The following IMPA1 variants were observed in gnomAD, a reference collection of about 807,000 sequenced individuals.
The protein encoded by IMPA1 is D-galactose 1-phosphate phosphatase.
IMPA1 carries 21 observed loss-of-function variants against 34.9 expected under a neutral mutation model. The ratio of observed to expected loss-of-function variants is 0.60; its 90% CI spans 0.43 to 0.87. The LOEUF (loss-of-function observed/expected upper bound fraction) is 0.87. IMPA1 is among the 40% of genes least tolerant of loss of function. IMPA1 has a pLI of 0.00. For missense variants in IMPA1, 299 were observed against 336.4 expected (o/e 0.89, Z 0.87); for synonymous variants, 95 against 104.4 (o/e 0.91, Z 0.55).
At chr8:81,684,470 A>C (rs1807410129) in intron 1 of IMPA1, among the ~76,000 whole-genome samples, 1 of 105,912 alleles carries the variant, frequency 9.4e-6, no homozygotes. Flanking sequence ...TACTACACAC[A>C]GTATCTTTAG....
rs1159684862 is a variant in IMPA1, at chr8:81,657,204, A to G, written c.*2147T>C. Reference sequence around the variant, plus strand: ...ATTGTAGAAAAAAATATAGGTTTTTAGAAAAGTTGGAAAGATTACAGGCAA... The same window carrying G: ...ATTGTAGAAAAAAATATAGGTTTTTGGAAAAGTTGGAAAGATTACAGGCAA... On this transcript the variant is annotated 3_prime_UTR_variant, in exon 9 of 9. Coordinates refer to ENST00000256108, the MANE Select transcript of IMPA1 (RefSeq NM_005536.4). 6.6e-6 allele frequency among the ~76,000 whole-genome samples: 1 copy of G among 152,232 alleles called. No homozygotes were observed. Among genetic ancestry groups the G allele is most frequent in the Non-Finnish European group, 1.5e-5 (1 of 68,036 alleles).
chr8:81,658,574 C>A lies in IMPA1; in HGVS notation c.*777G>T, dbSNP rs1415414235. ...TTCTCTCTTACACAAGACTTTAAAG[C>A]AAATCCAAACAGACAATTTAACTGT... On this transcript the variant is annotated 3_prime_UTR_variant, in exon 9 of 9. Coordinates refer to ENST00000256108, the MANE Select transcript of IMPA1 (RefSeq NM_005536.4). 1 of 152,458 alleles carries A rather than the reference C, an allele frequency of 6.6e-6. No individual in the cohort carries two copies. The highest frequency in any genetic ancestry group is 1.5e-5 in the Non-Finnish European group (1 of 67,968). The allele number at this position is 152,458 out of a possible 1,614,324, so 9.4% of individuals were successfully genotyped here. A position where few individuals can be genotyped will look rare whatever the true frequency, so the allele number is the denominator to read the frequency against.
At chr8:81,685,845 GCCA>G in intron 1 of IMPA1, 1 of 1,550,440 alleles carries the variant, frequency 6.4e-7, no homozygotes, top group Non-Finnish European at 8.7e-7. Flanking sequence ...TAGGAGCCAG[GCCA>G]CCTTCCTTTT....
intron 6 of IMPA1, 116 bp from the exon 7 acceptor site, chr8:81,671,163 C>T (rs201788059): frequency 2.0e-6 from 1 of 501,128 alleles, no homozygotes; most frequent in Non-Finnish European, 3.5e-6. Context: ...TCTTTATAAG[C>T]ATTTAAATAA....
chr8:81,660,671 A>G lies in IMPA1; in HGVS notation c.567-4T>C. The G allele has an allele frequency of 6.3e-7, 1 of 1,590,758 alleles. No homozygotes were observed. Among genetic ancestry groups the G allele is most frequent in the Non-Finnish European group, 8.6e-7 (1 of 1,166,542 alleles). On this transcript the variant is annotated splice_region_variant and splice_polypyrimidine_tract_variant and intron_variant, in intron 7 of 8. Transcript: ENST00000256108. Reference sequence around the variant, plus strand: ...TGCTGTTCCAACACTCCGGATCCTAACAAATAGAATTTAGAAATAAAATTG... The same window carrying G: ...TGCTGTTCCAACACTCCGGATCCTAGCAAATAGAATTTAGAAATAAAATTG...
At chr8:81,684,517 C>CTTATCTTTAATATATCTTTAGATATACT (rs199895536) in intron 1 of IMPA1, among the ~76,000 whole-genome samples, 1 of 120,136 alleles carries the variant, frequency 8.3e-6, no homozygotes, top group Admixed American at 8.0e-5. Context: ...TCTTTAGATA[C>CTTATCTTTAATATATCTTTAGATATACT]TATGTGTAGT....
chr8:81,669,202 A>T (rs139014119), intron 7 of IMPA1, among the ~76,000 whole-genome samples: 112 of 152,248 alleles, frequency 7.4e-4, no homozygotes, highest in Non-Finnish European at 1.1e-3. Flanking sequence ...CCCAGGAAGT[A>T]AGGCCACCAC....
At chr8:81,665,222 A>G (rs757176181) in intron 7 of IMPA1, among the ~76,000 whole-genome samples, 4 of 152,234 alleles carry the variant, frequency 2.6e-5, no homozygotes, top group Non-Finnish European at 2.9e-5. Flanking sequence ...TCCGAATTAA[A>G]TATTTTCAAA....
intron 1 of IMPA1, among the ~76,000 whole-genome samples, chr8:81,682,972 A>C (rs1262151005): frequency 6.6e-6 from 1 of 152,234 alleles, no homozygotes; most frequent in Non-Finnish European, 1.5e-5. Flanking sequence ...TACATGCAAA[A>C]TAACAACTGG....
At chr8:81,679,268 TGATTTCA>T (rs1341487064) in intron 3 of IMPA1, 38 bp from the exon 4 acceptor site, 2 of 1,257,960 alleles carry the variant, frequency 1.6e-6, no homozygotes, top group Non-Finnish European at 2.3e-6. Flanking sequence ...ATCTTTACAC[TGATTTCA>T]ACAATTTCCA....
intron 1 of IMPA1, among the ~76,000 whole-genome samples, chr8:81,682,237 C>G (rs114395719): frequency 0.011 from 1,601 of 152,250 alleles, 17 homozygotes; most frequent in African/African-American, 0.035. Flanking sequence ...GTGTTCTAAA[C>G]TGTCCAGTTT....
At chr8:81,675,881 A>G (rs2130299359) in intron 5 of IMPA1, among the ~76,000 whole-genome samples, 1 of 152,320 alleles carries the variant, frequency 6.6e-6, no homozygotes, top group South Asian at 2.1e-4. Context: ...ACTAACACCT[A>G]CTAAAGCATT....
chr8:81,683,761 C>T (rs1308562881), intron 1 of IMPA1, among the ~76,000 whole-genome samples: 1 of 143,706 alleles, frequency 7.0e-6, no homozygotes, highest in African/African-American at 2.7e-5. Flanking sequence ...CTTGAGTAGA[C>T]AGCAACTGAG....
intron 4 of IMPA1, among the ~76,000 whole-genome samples, chr8:81,677,709 A>G (rs182899808): frequency 6.6e-6 from 1 of 152,336 alleles, no homozygotes; most frequent in East Asian, 1.9e-4. Flanking sequence ...TACTATACAC[A>G]CTGTATTGTA....
chr8:81,671,644 T>G (rs1563585117), intron 6 of IMPA1, among the ~76,000 whole-genome samples: 1 of 152,302 alleles, frequency 6.6e-6, no homozygotes, highest in South Asian at 2.1e-4. Flanking sequence ...ACACCTGTAA[T>G]CCCAGCACTT....
chr8:81,665,678 C>A (rs919655375), intron 7 of IMPA1, among the ~76,000 whole-genome samples: 35 of 152,030 alleles, frequency 2.3e-4, no homozygotes, highest in African/African-American at 8.0e-4. Context: ...CCTTTAAAAA[C>A]TGTTAGCCAA....
chr8:81,675,581 G>A (rs1209553078), intron 5 of IMPA1, among the ~76,000 whole-genome samples: 1 of 152,114 alleles, frequency 6.6e-6, no homozygotes, highest in African/African-American at 2.4e-5. Flanking sequence ...TCCAATATGT[G>A]TTTTATATTC....
chr8:81,670,906 A>G (rs766233407), intron 7 of IMPA1, 33 bp downstream of exon 7: 2 of 1,142,758 alleles, frequency 1.8e-6, no homozygotes, highest in Admixed American at 2.6e-5. Context: ...CACGTATACA[A>G]AGAGAGAGAT....
chr8:81,678,249 T>A (rs905273272), intron 4 of IMPA1, among the ~76,000 whole-genome samples: 7 of 151,728 alleles, frequency 4.6e-5, no homozygotes, highest in African/African-American at 1.4e-4. Flanking sequence ...AGGGGCCTCC[T>A]CTGCACTTTT....
Sources: gnomAD v4.1 joint callset for allele counts (sites outside exome capture counted in the v4.1 genomes callset) on GRCh38, gnomAD v4.1.1 for gene constraint, MANE v1.5 for transcripts, NCBI Gene and HGNC (gene_info 2026-07-23, HGNC 2026-07-21) for gene names.